The following CDK15 variants were observed in gnomAD, a reference collection of about 807,000 sequenced individuals.
The protein encoded by CDK15 is cyclin dependent kinase 15.
Under a neutral mutation model 60.3 loss-of-function variants are expected in CDK15, and 62 were observed. The ratio of observed to expected loss-of-function variants is 1.03; its 90% CI spans 0.84 to 1.27. CDK15 has a LOEUF of 1.27. CDK15 is among the 50% of genes most tolerant of loss of function. The pLI, the probability that CDK15 is intolerant of heterozygous loss-of-function variation, is 0.00. For synonymous variants in CDK15, 194 were observed against 195.7 expected, an observed-to-expected ratio of 0.99 and a Z score of 0.07; for missense variants, 541 against 527.8, an observed-to-expected ratio of 1.03 and a Z score of -0.25.
intron 12 of CDK15, among the ~76,000 whole-genome samples, chr2:201,880,616 T>C (rs142977342): frequency 1.5e-3 from 234 of 152,252 alleles, no homozygotes; most frequent in African/African-American, 5.4e-3. Flanking sequence ...TGATTGGTAA[T>C]AGCAAGCTGC....
chr2:201,856,233 T>C (rs766913684), intron 10 of CDK15, among the ~76,000 whole-genome samples: 3 of 152,154 alleles, frequency 2.0e-5, no homozygotes, highest in South Asian at 2.1e-4. Context: ...ATAAAATACA[T>C]AGGGAGCTGG....
chr2:201,870,994 C>T lies in CDK15; in HGVS notation c.1010-1284C>T, dbSNP rs192077213. 9.5e-4 allele frequency among the ~76,000 whole-genome samples: 144 copies of T among 152,036 alleles called. 1 individual carries two copies. The highest frequency in any genetic ancestry group is 3.1e-3 in the African/African-American group (129 of 41,486). On this transcript the variant is annotated intron_variant, in intron 10 of 13. Coordinates refer to ENST00000652192, the MANE Select transcript of CDK15 (RefSeq NM_001366386.2). ...GGTTTTTGTTTGGGTTAAATGGTAT[C>T]AATACTAAGAATCATGAAAACACAT...
rs144063823 is a variant in CDK15 at position 201,814,646 on chromosome 2, T to TA, written c.448+2088dup. Among the ~76,000 whole-genome samples, 1,105 of 152,272 alleles carry TA rather than the reference T, an allele frequency of 7.3e-3. 17 individuals are homozygous for TA. Among genetic ancestry groups the TA allele is most frequent in the African/African-American group, 0.025 (1,058 of 41,560 alleles). ...GTAAGAACAGCTGGAGTTCATTAGC[T>TA]AAAATCCAGGGTCACTAGCTAAAAA... On this transcript the variant is annotated intron_variant, in intron 4 of 13. Coordinates refer to ENST00000652192, the MANE Select transcript of CDK15 (RefSeq NM_001366386.2).
chr2:201,843,343 T>C (rs1697487968), intron 8 of CDK15, among the ~76,000 whole-genome samples: 1 of 152,018 alleles, frequency 6.6e-6, no homozygotes, highest in Non-Finnish European at 1.5e-5. Flanking sequence ...CACACCACCA[T>C]ACCCGGCTAA....
Position 201,879,778 on chromosome 2 carries a change from C to T in CDK15, c.1059-250C>T, listed in dbSNP as rs184415433. On this transcript the variant is annotated intron_variant, in intron 11 of 13. Coordinates refer to ENST00000652192, the MANE Select transcript of CDK15 (RefSeq NM_001366386.2). ...TATGTGTACATGGTGCCCAGACACA[C>T]GGTGGAGGGCAAGGGAGCTGAGTGA... is the stretch of plus-strand genomic sequence containing the variant. Among the ~76,000 whole-genome samples, 13 of 152,168 alleles carry T rather than the reference C, an allele frequency of 8.5e-5. No individual in the cohort carries two copies. The East Asian group carries it at 9.7e-4, about 11-fold the overall frequency.
At chr2:201,890,510 G>A (rs1032403868) in intron 12 of CDK15, among the ~76,000 whole-genome samples, 3 of 152,154 alleles carry the variant, frequency 2.0e-5, no homozygotes, top group East Asian at 1.9e-4. Flanking sequence ...GTATGTGTGT[G>A]TATTCCTATT....
At chr2:201,861,140 C>T (rs1311787214) in intron 10 of CDK15, 1 of 1,029,860 alleles carries the variant, frequency 9.7e-7, no homozygotes, top group Admixed American at 5.2e-5. Context: ...CAAGCTCCCC[C>T]TTTTACTATC....
At chr2:201,845,265 C>T (rs1276785942) in intron 8 of CDK15, among the ~76,000 whole-genome samples, 1 of 152,046 alleles carries the variant, frequency 6.6e-6, no homozygotes, top group East Asian at 1.9e-4. Flanking sequence ...AAGAACAAGC[C>T]AGTCAGTTAA....
intron 9 of CDK15, among the ~76,000 whole-genome samples, chr2:201,850,017 G>T (rs568370888): frequency 3.2e-4 from 49 of 152,248 alleles, no homozygotes; most frequent in African/African-American, 1.2e-3. Flanking sequence ...TAGAGACGGG[G>T]TTTCACCATG....
At chr2:201,892,509 T>C (rs1699669992) in intron 13 of CDK15, among the ~76,000 whole-genome samples, 1 of 152,196 alleles carries the variant, frequency 6.6e-6, no homozygotes, top group South Asian at 2.1e-4. Flanking sequence ...TTGGTCACAA[T>C]AGAAAATCAA....
In CDK15 at chr2:201,810,019, G is replaced by A. The variant is rs139100181; in HGVS notation, c.368+2067G>A. ...GCAGTGAGCTGAGATCGGCACCACC[G>A]CACTCCAGCCTGGGTGAGAGTGACA... On this transcript the variant is annotated intron_variant, in intron 3 of 13. Transcript: ENST00000652192. 2.4e-3 allele frequency among the ~76,000 whole-genome samples: 361 copies of A among 150,682 alleles called. 3 individuals carry two copies. Among genetic ancestry groups the A allele is most frequent in the African/African-American group, 8.7e-3 (357 of 40,884 alleles).
intron 9 of CDK15, among the ~76,000 whole-genome samples, chr2:201,853,312 A>G (rs1697991753): frequency 3.9e-5 from 6 of 152,134 alleles, no homozygotes; most frequent in Admixed American, 2.0e-4. Flanking sequence ...AAGAAGGAAG[A>G]TTTTACTGGG....
rs1698920189 is a variant in CDK15 at position 201,873,096 on chromosome 2, G to A, written c.1058+770G>A. Among the ~76,000 whole-genome samples, 3 of 149,938 alleles carry A rather than the reference G, an allele frequency of 2.0e-5. No homozygotes were observed. The Admixed American group carries it at 2.0e-4, about 10-fold the overall frequency. ...GATCCTGACTGAACACTCGAACATT[G>A]TTTTTCCCTGAAAATATGGTAGAAT... On this transcript the variant is annotated intron_variant, in intron 11 of 13. Coordinates refer to ENST00000652192, the MANE Select transcript of CDK15 (RefSeq NM_001366386.2).
chr2:201,845,901 T>G (rs1358235282), intron 8 of CDK15, among the ~76,000 whole-genome samples: 4 of 151,312 alleles, frequency 2.6e-5, no homozygotes, highest in Non-Finnish European at 5.9e-5. Flanking sequence ...CTGTAATCAG[T>G]CACCTGAACC....
At chr2:201,835,984 T>G (rs866271652) in intron 8 of CDK15, among the ~76,000 whole-genome samples, 2 of 71,638 alleles carry the variant, frequency 2.8e-5, no homozygotes, top group African/African-American at 4.1e-5. Context: ...TTATATATTT[T>G]TATATATTTA....
At chr2:201,811,720 G>A (rs1695777491) in intron 3 of CDK15, among the ~76,000 whole-genome samples, 1 of 152,206 alleles carries the variant, frequency 6.6e-6, no homozygotes, top group Non-Finnish European at 1.5e-5. Flanking sequence ...GAAGCCCGCT[G>A]CAAGAATTTG....
intron 11 of CDK15, among the ~76,000 whole-genome samples, chr2:201,879,817 T>C (rs933369384): frequency 6.6e-6 from 1 of 151,988 alleles, no homozygotes; most frequent in Non-Finnish European, 1.5e-5. Flanking sequence ...AATGAGGAGA[T>C]TTTTCCCCTT....
At chr2:201,813,448 A>G (rs998293552) in intron 4 of CDK15, among the ~76,000 whole-genome samples, 3 of 152,250 alleles carry the variant, frequency 2.0e-5, no homozygotes, top group Non-Finnish European at 4.4e-5. Flanking sequence ...AAAATCCCAG[A>G]GAAATGGCAC....
intron 11 of CDK15, among the ~76,000 whole-genome samples, chr2:201,875,747 A>G (rs1004184755): frequency 6.6e-6 from 1 of 152,228 alleles, no homozygotes; most frequent in Non-Finnish European, 1.5e-5. Context: ...AACAAAAACT[A>G]TACCTGTCTA....
Sources: gnomAD v4.1 joint callset for allele counts (sites outside exome capture counted in the v4.1 genomes callset) on GRCh38, gnomAD v4.1.1 for gene constraint, MANE v1.5 for transcripts, NCBI Gene and HGNC (gene_info 2026-07-23, HGNC 2026-07-21) for gene names.